The following NT5DC2 variants were observed in gnomAD, a reference collection of about 807,000 sequenced individuals.
The protein encoded by NT5DC2 is 5'-nucleotidase domain containing 2, also known as 5'-nucleotidase domain-containing protein 2.
In NT5DC2, 41 loss-of-function variants were observed where a neutral mutation model predicts 70.0. The ratio of observed to expected loss-of-function variants is 0.59; its 90% CI spans 0.46 to 0.76. NT5DC2 has a LOEUF of 0.76. NT5DC2 is among the 30% of genes least tolerant of loss of function. The pLI is 0.00. For missense variants in NT5DC2, 705 were observed against 783.2 expected (o/e 0.90, Z 1.19); for synonymous variants, 299 against 310.4 (o/e 0.96, Z 0.39).
At chr3:52,534,872 G>A (rs2079407481), upstream of NT5DC2, 6 of 577,956 alleles carry the variant, frequency 1.0e-5, no homozygotes, top group Non-Finnish European at 1.8e-5. Context: ...CATGGCCTGG[G>A]GACTGGTAAG....
chr3:52,528,708 A>G lies in NT5DC2; in HGVS notation c.493-16T>C. 6.2e-7 allele frequency: 1 copy of G among 1,605,282 alleles called. No individual in the cohort carries two copies. The highest frequency in any genetic ancestry group is 2.2e-5 in the East Asian group (1 of 44,522). On this transcript the variant is annotated splice_polypyrimidine_tract_variant and intron_variant, in intron 3 of 13. Transcript: ENST00000422318. ...TCAGAAGGCTCTGGGGGCGCCAGGGAGGCAGGACGGATGGTGAGGAGGCAG... is the reference window on the plus strand; with the variant it reads ...TCAGAAGGCTCTGGGGGCGCCAGGGGGGCAGGACGGATGGTGAGGAGGCAG...
chr3:52,534,600 CA>C, upstream of NT5DC2: 1 of 1,613,950 alleles, frequency 6.2e-7, no homozygotes, highest in South Asian at 1.1e-5. Flanking sequence ...GCAACGTCGA[CA>C]GGCTTTCCAA....
At chr3:52,526,666 T>C (rs1356976072) in intron 10 of NT5DC2, among the ~76,000 whole-genome samples, 1 of 152,140 alleles carries the variant, frequency 6.6e-6, no homozygotes, top group Non-Finnish European at 1.5e-5. Flanking sequence ...CTCTGACCAT[T>C]CTTGTTTTTT....
chr3:52,534,706 A>G, upstream of NT5DC2: 1 of 1,557,602 alleles, frequency 6.4e-7, no homozygotes, highest in South Asian at 1.2e-5. Context: ...GGCTGTGCTC[A>G]GGGTCCGGAG....
chr3:52,528,053 A>G lies in NT5DC2; in HGVS notation c.792T>C (p.His264=), dbSNP rs1474165136. The G allele has an allele frequency of 1.9e-6, 3 of 1,611,648 alleles. No homozygotes were observed. Among genetic ancestry groups the G allele is most frequent in the Admixed American group, 3.3e-5 (2 of 59,820 alleles). The change falls in exon 7 of 14, where the codon CAT becomes CAC. Residue 264 remains histidine (H), a synonymous_variant. Coordinates refer to ENST00000422318, the MANE Select transcript of NT5DC2 (RefSeq NM_001134231.2). ...TCCACTGGTACATGAGGCCCTTCAC[A>G]TGCACGTCTCGGATGGCGTCCTGGG... ...KDVTDAIRDV[H]VKGLMYQWIE... is the part of the protein sequence containing the mutation.
intron 10 of NT5DC2, 76 bp from the exon 11 acceptor site, chr3:52,525,371 G>T: frequency 8.4e-7 from 1 of 1,195,284 alleles, no homozygotes; most frequent in Non-Finnish European, 1.2e-6. Flanking sequence ...AATCCCCAGA[G>T]GCAGCCCAAA....
In NT5DC2 at chr3:52,527,706, C is replaced by CA; in HGVS notation, c.947dup (p.Met316IlefsTer28). The CA allele has an allele frequency of 6.2e-7, 1 of 1,613,336 alleles. No homozygotes were observed. On this transcript the variant is annotated frameshift_variant, in exon 9 of 14. Transcript: ENST00000422318. LOFTEE classifies it high-confidence loss of function. ...GCCAATCGGGACCCACCATGTGCCGCATCCCCTTGTCTCTGTGTGGAGGAG... is the reference window on the plus strand; with the variant it reads ...GCCAATCGGGACCCACCATGTGCCGCAATCCCCTTGTCTCTGTGTGGAGGAG...
rs959743247 is a variant in NT5DC2, at chr3:52,531,109, A to G, written c.233-1775T>C. ...TCTCGCTGATGTGCTCCGTGCCCAG[A>G]GCACTTGCCTCAGAGGCACTCTGGG... On this transcript the variant is annotated intron_variant, in intron 1 of 13. Transcript: ENST00000422318. The surrounding 1 kb of genome is among the most constrained non-coding windows in gnomAD (Gnocchi z 4.1). Among the ~76,000 whole-genome samples the G allele has an allele frequency of 2.6e-5, 4 of 152,214 alleles. No homozygotes were observed. The highest frequency in any genetic ancestry group is 4.4e-5 in the Non-Finnish European group (3 of 68,040).
At chr3:52,534,396 C>A (rs1265450574), upstream of NT5DC2, 1 of 1,431,618 alleles carries the variant, frequency 7.0e-7, no homozygotes, top group African/African-American at 1.4e-5. Flanking sequence ...CGGTGCCAGG[C>A]CCACGCTGGG....
At position 52,533,846 on chromosome 3, in the gene NT5DC2, C is replaced by T. The variant is rs1048556752; in HGVS notation, c.-109G>A. 1 of 980,904 alleles carries T rather than the reference C, an allele frequency of 1.0e-6. No individual in the cohort carries two copies. Among genetic ancestry groups the T allele is most frequent in the African/African-American group, 1.8e-5 (1 of 56,676 alleles). 60.8% of individuals were successfully genotyped at this position (980,904 alleles called of 1,614,324 possible). A position where few individuals can be genotyped will look rare whatever the true frequency, so the allele number is the denominator to read the frequency against. ...CACGGTGGCCTCGTGCTCCTCACGG[C>T]GGCCGGCCAATGGGTGCGGCGCGCG... is the stretch of plus-strand genomic sequence containing the variant. On this transcript the variant is annotated 5_prime_UTR_variant, in exon 1 of 14. Coordinates refer to ENST00000422318, the MANE Select transcript of NT5DC2 (RefSeq NM_001134231.2).
At chr3:52,533,380 T>C in intron 1 of NT5DC2, 126 bp downstream of exon 1, 1 of 1,064,296 alleles carries the variant, frequency 9.4e-7, no homozygotes, top group Non-Finnish European at 1.3e-6. Flanking sequence ...CGCCCGGCCC[T>C]TGCGCTCCGG....
In NT5DC2 at chr3:52,532,102, C is replaced by T. The variant is rs1239289725; in HGVS notation, c.232+1404G>A. On this transcript the variant is annotated intron_variant, in intron 1 of 13. Transcript: ENST00000422318. ...TGTTGCACTGCTCTCAGCCCGTGGG[C>T]ATTAGCCCAAAGCGGACCTCGGCGC... is the stretch of plus-strand genomic sequence containing the variant. The T allele has an allele frequency of 8.3e-6, 7 of 848,012 alleles. No homozygotes were observed. In the East Asian group the frequency reaches 3.7e-4, roughly 45 times the overall value. The allele number at this position is 848,012 out of a possible 1,614,324, so 52.5% of individuals were successfully genotyped here. A position where few individuals can be genotyped will look rare whatever the true frequency, so the allele number is the denominator to read the frequency against.
rs1384065460 is a variant in NT5DC2, at chr3:52,529,022, C to T, written c.418-87G>A. On this transcript the variant is annotated intron_variant, in intron 2 of 13. Coordinates refer to ENST00000422318, the MANE Select transcript of NT5DC2 (RefSeq NM_001134231.2). This position sits in a 1 kb window ranked among gnomAD's most constrained non-coding sequence, Gnocchi z 4.1. ...CCACCCCAGGGGGTCAATCCAGCCA[C>T]CTGCCCAGGGCAGCTGCCAGGCAAG... 7 of 1,587,262 alleles carry T rather than the reference C, an allele frequency of 4.4e-6. No homozygotes were observed. The African/African-American group carries it at 6.7e-5, about 15-fold the overall frequency.
chr3:52,529,685 G>A lies in NT5DC2; in HGVS notation c.233-351C>T, dbSNP rs1471317639. 6.6e-6 allele frequency among the ~76,000 whole-genome samples: 1 copy of A among 152,144 alleles called. No homozygotes were observed. Among genetic ancestry groups the A allele is most frequent in the Non-Finnish European group, 1.5e-5 (1 of 68,008 alleles). On this transcript the variant is annotated intron_variant, in intron 1 of 13. Coordinates refer to ENST00000422318, the MANE Select transcript of NT5DC2 (RefSeq NM_001134231.2). This position sits in a 1 kb window ranked among gnomAD's most constrained non-coding sequence, Gnocchi z 4.1. ...AGGCCATGCTAGAACCCTGGCAGCA[G>A]TCACTCAACTCCTCACCGCCTAGCC...
At position 52,529,205 on chromosome 3, in the gene NT5DC2, G is replaced by T. The variant is rs1011955010; in HGVS notation, c.362C>A (p.Ala121Glu). 6.2e-7 allele frequency: 1 copy of T among 1,614,004 alleles called. No individual in the cohort carries two copies. Among genetic ancestry groups the T allele is most frequent in the African/African-American group, 1.3e-5 (1 of 74,912 alleles). Residue 121 changes from alanine to glutamate, a missense_variant, in exon 2 of 14, where the codon GCA becomes GAA. By Grantham distance (107) the Ala-to-Glu change is moderately radical. Coordinates refer to ENST00000422318, the MANE Select transcript of NT5DC2 (RefSeq NM_001134231.2). This position sits in a 1 kb window ranked among gnomAD's most constrained non-coding sequence, Gnocchi z 4.1. Reference sequence around the variant, plus strand: ...GGTACTGAAGATCTCGGGGTGCAGTGCGTCTGCATACTGGGCCAGGGTGTA... The same window carrying T: ...GGTACTGAAGATCTCGGGGTGCAGTTCGTCTGCATACTGGGCCAGGGTGTA... ...YDYTLAQYAD[A>E]LHPEIFSTAR...
At position 52,533,818 on chromosome 3, in the gene NT5DC2, C is replaced by T. The variant is rs938717062; in HGVS notation, c.-81G>A. 8.2e-6 allele frequency: 8 copies of T among 975,338 alleles called. No homozygotes were observed. The highest frequency in any genetic ancestry group is 9.7e-6 in the Non-Finnish European group (8 of 826,616). The allele number at this position is 975,338 out of a possible 1,614,324, so 60.4% of individuals were successfully genotyped here. On this transcript the variant is annotated 5_prime_UTR_variant, in exon 1 of 14. Coordinates refer to ENST00000422318, the MANE Select transcript of NT5DC2 (RefSeq NM_001134231.2). ...GCCCGCCGCCCTCCGACTGCGCGCC[C>T]GCCACGGTGGCCTCGTGCTCCTCAC...
Position 52,529,319 on chromosome 3 carries a change from T to C in NT5DC2, c.248A>G (p.Glu83Gly). The C allele has an allele frequency of 1.2e-6, 2 of 1,613,450 alleles. No homozygotes were observed. The highest frequency in any genetic ancestry group is 1.7e-6 in the Non-Finnish European group (2 of 1,179,890). Reference protein sequence around the residue: ...RRLVHDLLPPEVCSLLNPAAI... With the variant: ...RRLVHDLLPPGVCSLLNPAAI... ...TGCTGGGTTCAGGAGACTGCAGACC[T>C]CGGGGGGCAGGAGGTCTAGAGGAAG... The change falls in exon 2 of 14, where the codon GAG (glutamate) becomes GGG (glycine). Residue 83 changes from glutamate (E) to glycine (G), a missense_variant. Glu to Gly is a moderately conservative substitution (Grantham distance 98). Transcript: ENST00000422318. The surrounding 1 kb of genome is among the most constrained non-coding windows in gnomAD (Gnocchi z 4.1).
upstream of NT5DC2, chr3:52,534,582 C>T: frequency 1.2e-6 from 2 of 1,613,852 alleles, no homozygotes; most frequent in South Asian, 2.2e-5. Context: ...ATGCTGTGGT[C>T]TTTTCTAGCA....
At chr3:52,527,236 G>A in intron 10 of NT5DC2, 58 bp downstream of exon 10, 1 of 1,522,082 alleles carries the variant, frequency 6.6e-7, no homozygotes, top group South Asian at 1.1e-5. Flanking sequence ...GCACAGCCTG[G>A]GGCCCTAGCT....
Sources: allele counts gnomAD v4.1 joint callset (sites outside exome capture counted in the v4.1 genomes callset), GRCh38; gene constraint gnomAD v4.1.1; non-coding constraint Gnocchi (gnomAD v3.1); transcripts MANE v1.5; gene names NCBI Gene and HGNC (gene_info 2026-07-23, HGNC 2026-07-21).